Variants in ZSWIM6 observed in about 807,000 individuals in gnomAD.
The protein encoded by ZSWIM6 is zinc finger SWIM-type containing 6.
In ZSWIM6, 9 loss-of-function variants were observed where a neutral mutation model predicts 113.2. That is an observed-to-expected ratio of 0.08 (90% CI 0.05 to 0.14). The LOEUF is 0.14. ZSWIM6 is among the 10% of genes least tolerant of loss of function. The probability of loss-of-function intolerance (pLI) is 1.00; values close to 1 mark genes in which losing one functional copy is unlikely to be tolerated. For synonymous variants in ZSWIM6, 611 were observed against 606.5 expected, an observed-to-expected ratio of 1.01 and a Z score of -0.11; for missense variants, 1,162 against 1,552.2, an observed-to-expected ratio of 0.75 and a Z score of 4.22.
chr5:61,372,256 C>G (rs913765826), intron 1 of ZSWIM6, among the ~76,000 whole-genome samples: 2 of 151,828 alleles, frequency 1.3e-5, no homozygotes, highest in Admixed American at 6.6e-5. Flanking sequence ...GACACTGAGC[C>G]TTTCTACCCC....
intron 1 of ZSWIM6, among the ~76,000 whole-genome samples, chr5:61,348,643 A>G (rs548056538): frequency 1.3e-5 from 2 of 152,250 alleles, no homozygotes; most frequent in Admixed American, 6.5e-5. Flanking sequence ...ATCCTTTACA[A>G]TTGTGCAACA....
At chr5:61,516,924 A>G (rs1004331904) in intron 4 of ZSWIM6, among the ~76,000 whole-genome samples, 1 of 152,140 alleles carries the variant, frequency 6.6e-6, no homozygotes, top group African/African-American at 2.4e-5. Context: ...TTTGCTGGAT[A>G]TAGAATTCTC....
intron 4 of ZSWIM6, among the ~76,000 whole-genome samples, chr5:61,514,545 T>C (rs1280858336): frequency 6.6e-6 from 1 of 152,124 alleles, no homozygotes; most frequent in African/African-American, 2.4e-5. Flanking sequence ...GGAAGTTCGC[T>C]CCTATTCCTA....
intron 1 of ZSWIM6, among the ~76,000 whole-genome samples, chr5:61,352,234 A>G (rs1326708625): frequency 1.3e-5 from 2 of 152,276 alleles, no homozygotes; most frequent in South Asian, 2.1e-4. Flanking sequence ...CCTGGCAACA[A>G]ATTACCTCCT....
intron 1 of ZSWIM6, among the ~76,000 whole-genome samples, chr5:61,388,326 A>G (rs1201650680): frequency 6.6e-6 from 1 of 151,968 alleles, no homozygotes; most frequent in Non-Finnish European, 1.5e-5. Context: ...AAAAGTCTAT[A>G]CTCTAGAACT....
intron 1 of ZSWIM6, among the ~76,000 whole-genome samples, chr5:61,444,878 C>T (rs890582767): frequency 1.7e-4 from 26 of 152,228 alleles, no homozygotes; most frequent in African/African-American, 5.1e-4. Flanking sequence ...GGTTTGAAGA[C>T]GAGGCTTTGA....
chr5:61,481,770 C>G (rs549773598), intron 2 of ZSWIM6, among the ~76,000 whole-genome samples: 5 of 151,944 alleles, frequency 3.3e-5, no homozygotes, highest in Non-Finnish European at 7.4e-5. Flanking sequence ...CCAAGGTAGG[C>G]GGGTAAATCA....
intron 1 of ZSWIM6, among the ~76,000 whole-genome samples, chr5:61,378,907 C>T (rs1745423963): frequency 1.3e-5 from 2 of 151,896 alleles, no homozygotes; most frequent in South Asian, 2.1e-4. Flanking sequence ...GGGCTGGGCA[C>T]GATGGCTCAC....
chr5:61,338,436 CACAAT>C (rs1744452478), intron 1 of ZSWIM6, among the ~76,000 whole-genome samples: 1 of 152,136 alleles, frequency 6.6e-6, no homozygotes, highest in African/African-American at 2.4e-5. Context: ...TAATGAAATA[CACAAT>C]ACATTTTGAA....
intron 4 of ZSWIM6, among the ~76,000 whole-genome samples, chr5:61,512,599 T>A (rs1295815684): frequency 2.0e-5 from 3 of 152,146 alleles, no homozygotes; most frequent in Non-Finnish European, 2.9e-5. Flanking sequence ...TTTATGAGCA[T>A]TCCAGTTGCT....
intron 2 of ZSWIM6, among the ~76,000 whole-genome samples, chr5:61,476,050 C>G (rs1386760265): frequency 2.0e-5 from 3 of 152,090 alleles, no homozygotes; most frequent in Non-Finnish European, 4.4e-5. Context: ...GATTAGTTGG[C>G]ATCATAAAGA....
Position 61,473,168 on chromosome 5 carries a change from A to G in ZSWIM6, c.1033+131A>G, listed in dbSNP as rs1438103654. On this transcript the variant is annotated intron_variant, in intron 2 of 13. Coordinates refer to ENST00000252744, the MANE Select transcript of ZSWIM6 (RefSeq NM_020928.2). ...CATTGCTCTTAGTTGGTCAAAAGAGATTTTTACATTTGTATTCTAAAACAT... is the reference window on the plus strand; with the variant it reads ...CATTGCTCTTAGTTGGTCAAAAGAGGTTTTTACATTTGTATTCTAAAACAT... The G allele has an allele frequency of 8.9e-6, 5 of 558,928 alleles. No homozygotes were observed. In the African/African-American group the frequency reaches 9.6e-5, roughly 11 times the overall value. 34.6% of individuals were successfully genotyped at this position (558,928 alleles called of 1,614,324 possible).
intron 1 of ZSWIM6, among the ~76,000 whole-genome samples, chr5:61,361,388 A>G (rs1433837903): frequency 6.6e-6 from 1 of 152,148 alleles, no homozygotes; most frequent in African/African-American, 2.4e-5. Context: ...TTATCTGTTA[A>G]ATGAGGAAAC....
chr5:61,437,714 C>A (rs2112143089), intron 1 of ZSWIM6, among the ~76,000 whole-genome samples: 2 of 126,530 alleles, frequency 1.6e-5, no homozygotes, highest in African/African-American at 2.9e-5. Context: ...CAGACCCTTT[C>A]TCCAAAAAAA....
At chr5:61,343,328 G>C (rs1208850965) in intron 1 of ZSWIM6, among the ~76,000 whole-genome samples, 1 of 152,190 alleles carries the variant, frequency 6.6e-6, no homozygotes. Context: ...TTCCTGCCTT[G>C]AGAGTCTGTT....
intron 2 of ZSWIM6, among the ~76,000 whole-genome samples, chr5:61,483,582 A>G (rs1208563432): frequency 6.6e-6 from 1 of 152,036 alleles, no homozygotes. Context: ...AAAATATATA[A>G]TAGTGTCTGG....
chr5:61,490,435 G>T (rs1377848247), intron 2 of ZSWIM6, among the ~76,000 whole-genome samples: 5 of 152,014 alleles, frequency 3.3e-5, no homozygotes, highest in Non-Finnish European at 5.9e-5. Flanking sequence ...GTCTTTGAAA[G>T]ACATTTTTTC....
chr5:61,344,598 T>C (rs936497616), intron 1 of ZSWIM6, among the ~76,000 whole-genome samples: 1 of 152,170 alleles, frequency 6.6e-6, no homozygotes, highest in African/African-American at 2.4e-5. Context: ...TCAGAAGAGA[T>C]AAGTAATACC....
intron 2 of ZSWIM6, among the ~76,000 whole-genome samples, chr5:61,476,400 G>A (rs143124224): frequency 2.0e-5 from 3 of 152,264 alleles, no homozygotes; most frequent in Non-Finnish European, 4.4e-5. Context: ...AGTGAAGGTT[G>A]TTGGAATATA....
Sources: allele counts gnomAD v4.1 joint callset (sites outside exome capture counted in the v4.1 genomes callset), GRCh38; gene constraint gnomAD v4.1.1; transcripts MANE v1.5; gene names NCBI Gene and HGNC (gene_info 2026-07-23, HGNC 2026-07-21).